Variants in BUB1B observed in about 807,000 individuals in gnomAD.
The protein encoded by BUB1B is mitotic checkpoint serine/threonine-protein kinase BUB1 beta.
BUB1B carries 86 observed loss-of-function variants against 137.7 expected under a neutral mutation model. That is an observed-to-expected ratio of 0.62 (90% CI 0.52 to 0.75). The LOEUF (loss-of-function observed/expected upper bound fraction) is 0.75, where lower values mean the gene tolerates loss of function less well. Ranked by LOEUF, BUB1B falls within the 30% of genes least tolerant of loss-of-function variation. The pLI, the probability that BUB1B is intolerant of heterozygous loss-of-function variation, is 0.00. For missense variants in BUB1B, 1,130 were observed against 1,236.9 expected, an observed-to-expected ratio of 0.91 and a Z score of 1.30; for synonymous variants, 420 against 417.9, an observed-to-expected ratio of 1.00 and a Z score of -0.06.
intron 6 of BUB1B, among the ~76,000 whole-genome samples, 159 bp from the exon 7 acceptor site, chr15:40,185,005 AT>A (rs1209413876): frequency 3.3e-5 from 5 of 151,694 alleles, no homozygotes; most frequent in Admixed American, 6.6e-5. Flanking sequence ...TCTATTTTTG[AT>A]TTATTAATTT....
chr15:40,167,425 C>G (rs530604219), intron 2 of BUB1B, among the ~76,000 whole-genome samples: 1 of 147,960 alleles, frequency 6.8e-6, no homozygotes, highest in African/African-American at 2.6e-5. Flanking sequence ...TCACTGCAAC[C>G]TCCGCCTCCC....
At chr15:40,179,049 C>G (rs1029784097) in intron 5 of BUB1B, among the ~76,000 whole-genome samples, 5 of 152,088 alleles carry the variant, frequency 3.3e-5, no homozygotes, top group African/African-American at 1.2e-4. Context: ...CACTACTCTG[C>G]TTTTTGTCTC....
chr15:40,201,097 T>A, intron 12 of BUB1B, 117 bp downstream of exon 12: 1 of 923,768 alleles, frequency 1.1e-6, no homozygotes, highest in Non-Finnish European at 1.7e-6. Flanking sequence ...ACTAGGATAC[T>A]AGGAATTTAG....
chr15:40,174,847 C>T (rs1300867968), intron 4 of BUB1B, among the ~76,000 whole-genome samples: 1 of 152,146 alleles, frequency 6.6e-6, no homozygotes, highest in Admixed American at 6.5e-5. Context: ...GCCTATAGTC[C>T]CAGCTACTCG....
At chr15:40,195,654 G>T (rs555379744) in intron 8 of BUB1B, among the ~76,000 whole-genome samples, 3 of 152,162 alleles carry the variant, frequency 2.0e-5, no homozygotes, top group East Asian at 1.9e-4. Context: ...ATTATTTTTT[G>T]ATTTCTTTAT....
chr15:40,210,145 A>G lies in BUB1B; in HGVS notation c.2320A>G (p.Ile774Val), dbSNP rs1463854628. The change falls in exon 18 of 23, where the codon ATA (isoleucine) becomes GTA (valine). Residue 774 changes from isoleucine to valine, a missense_variant. Coordinates refer to ENST00000287598, the MANE Select transcript of BUB1B (RefSeq NM_001211.6). ...TTACTGCATTAAACGAGAATACCTA[A>G]TATGTGAAGATTACAAGTTATTCTG... ...EDYCIKREYL[I>V]CEDYKLFWVA... 4 of 1,612,620 alleles carry G rather than the reference A, an allele frequency of 2.5e-6. No homozygotes were observed. Among genetic ancestry groups the G allele is most frequent in the South Asian group, 1.1e-5 (1 of 91,064 alleles).
chr15:40,162,765 G>T (rs746925301), intron 1 of BUB1B, among the ~76,000 whole-genome samples: 25 of 152,084 alleles, frequency 1.6e-4, no homozygotes, highest in Admixed American at 7.2e-4. Flanking sequence ...CTCAATTTGG[G>T]ATATTTAACT....
intron 8 of BUB1B, among the ~76,000 whole-genome samples, chr15:40,187,781 C>T (rs2037386000): frequency 6.6e-6 from 1 of 151,668 alleles, no homozygotes; most frequent in Non-Finnish European, 1.5e-5. Flanking sequence ...CAGTGGCTTG[C>T]ACCTGTGGTC....
At chr15:40,216,012 C>CA (rs943037725) in intron 20 of BUB1B, among the ~76,000 whole-genome samples, 1 of 151,972 alleles carries the variant, frequency 6.6e-6, no homozygotes, top group Non-Finnish European at 1.5e-5. Flanking sequence ...AAATGAGATC[C>CA]AAAAAAATGG....
intron 8 of BUB1B, among the ~76,000 whole-genome samples, chr15:40,191,707 C>T (rs755104621): frequency 1.3e-5 from 2 of 152,194 alleles, no homozygotes; most frequent in Non-Finnish European, 2.9e-5. Flanking sequence ...CCAGTGGTCC[C>T]AGCACCACTT....
rs1355011165 is a variant in BUB1B at position 40,183,730 on chromosome 15, G to A, written c.598G>A (p.Val200Met). The A allele has an allele frequency of 6.2e-7, 1 of 1,614,086 alleles. No homozygotes were observed. The highest frequency in any genetic ancestry group is 1.3e-5 in the African/African-American group (1 of 75,046). ...CTACTTTAGACAATTCCAAGCTCGA[G>A]TGTCTCGGCAAACTCTGTTGGCACT... ...QSQHRQFQAR[V>M]SRQTLLALEK... The change falls in exon 6 of 23, where the codon GTG becomes ATG. Residue 200 changes from valine to methionine, a missense_variant. Transcript: ENST00000287598.
chr15:40,213,452 A>G lies in BUB1B; in HGVS notation c.2656A>G (p.Arg886Gly), dbSNP rs1342870693. ...AEIVHGDLSP[R>G]CLILRNRIHD... ...AATAGTCCATGGTGACTTGAGTCCA[A>G]GGTGTCTGATTCTCAGAAACAGGTT... Residue 886 changes from arginine to glycine, a missense_variant, in exon 20 of 23, where the codon AGG (arginine) becomes GGG (glycine). By Grantham distance (125) the Arg-to-Gly change is moderately radical. Transcript: ENST00000287598. 4 of 1,614,208 alleles carry G rather than the reference A, an allele frequency of 2.5e-6. No individual in the cohort carries two copies. The highest frequency in any genetic ancestry group is 2.2e-5 in the South Asian group (2 of 91,086).
At position 40,161,214 on chromosome 15, in the gene BUB1B, A is replaced by AT; in HGVS notation, c.-6dup. On this transcript the variant is annotated 5_prime_UTR_variant, in exon 1 of 23. It removes an upstream start codon present in the reference 5' UTR. Transcript: ENST00000287598. Reference sequence around the variant, plus strand: ...AGCAGGACGAGGACCTGAGCCAGGAATGCAGGATGGCGGCGGTGAAGAAGG... The same window carrying AT: ...AGCAGGACGAGGACCTGAGCCAGGAATTGCAGGATGGCGGCGGTGAAGAAGG... The AT allele has an allele frequency of 1.2e-6, 2 of 1,613,538 alleles. No individual in the cohort carries two copies. Among genetic ancestry groups the AT allele is most frequent in the Middle Eastern group, 1.7e-4 (1 of 6,056 alleles).
Position 40,189,034 on chromosome 15 carries a change from C to T in BUB1B, c.1058+3392C>T, listed in dbSNP as rs989237003. Among the ~76,000 whole-genome samples, 3 of 152,112 alleles carry T rather than the reference C, an allele frequency of 2.0e-5. No homozygotes were observed. In the South Asian group the frequency reaches 6.2e-4, roughly 32 times the overall value. On this transcript the variant is annotated intron_variant, in intron 8 of 22. Coordinates refer to ENST00000287598, the MANE Select transcript of BUB1B (RefSeq NM_001211.6). ...GAACCTTGTACCCATACCTGTAAGA[C>T]TCGATTCCCCACCATTACCCCAATC...
chr15:40,209,788 G>GA lies in BUB1B; in HGVS notation c.2284+15dup, dbSNP rs1566827578. Reference sequence around the variant, plus strand: ...GAAATTGAATTAGGTAAGTACCATTGAACTCATGTCCTCTGGTTCATGACA... The same window carrying GA: ...GAAATTGAATTAGGTAAGTACCATTGAAACTCATGTCCTCTGGTTCATGACA... On this transcript the variant is annotated intron_variant, in intron 17 of 22. Transcript: ENST00000287598. 1 of 1,613,894 alleles carries GA rather than the reference G, an allele frequency of 6.2e-7. No homozygotes were observed. The highest frequency in any genetic ancestry group is 1.1e-5 in the South Asian group (1 of 91,022).
In BUB1B at chr15:40,202,629, C is replaced by A. The variant is rs2037587829; in HGVS notation, c.1669C>A (p.Pro557Thr). ...DPPRVLAQRR[P>T]LAVLKTSESI... Reference sequence around the variant, plus strand: ...CCCACGAGTTTTAGCTCAACGAAGACCCCTTGCAGTTCTCAAAACCTCAGA... The same window carrying A: ...CCCACGAGTTTTAGCTCAACGAAGAACCCTTGCAGTTCTCAAAACCTCAGA... The change falls in exon 14 of 23, where the codon CCC becomes ACC. Residue 557 changes from proline to threonine, a missense_variant. By Grantham distance (38) the Pro-to-Thr change is conservative. Coordinates refer to ENST00000287598, the MANE Select transcript of BUB1B (RefSeq NM_001211.6). 6.2e-7 allele frequency: 1 copy of A among 1,613,940 alleles called. No homozygotes were observed. The highest frequency in any genetic ancestry group is 1.3e-5 in the African/African-American group (1 of 74,880).
intron 5 of BUB1B, among the ~76,000 whole-genome samples, chr15:40,182,065 A>G (rs1049216106): frequency 7.2e-5 from 11 of 152,168 alleles, no homozygotes; most frequent in African/African-American, 2.7e-4. Flanking sequence ...TTAGCTGTGC[A>G]TGGTTGTGGG....
chr15:40,200,415 CT>C, intron 11 of BUB1B, 56 bp downstream of exon 11: 1 of 1,308,758 alleles, frequency 7.6e-7, no homozygotes, highest in Non-Finnish European at 1.1e-6. Flanking sequence ...TAGAACCAAC[CT>C]TTGACTCTCT....
Position 40,220,829 on chromosome 15 carries a change from T to C in BUB1B, c.*70T>C. 6.7e-7 allele frequency: 1 copy of C among 1,488,976 alleles called. No individual in the cohort carries two copies. Among genetic ancestry groups the C allele is most frequent in the Non-Finnish European group, 9.4e-7 (1 of 1,067,304 alleles). The allele number at this position is 1,488,976 out of a possible 1,614,324, so 92.2% of individuals were successfully genotyped here. A position where few individuals can be genotyped will look rare whatever the true frequency, so the allele number is the denominator to read the frequency against. ...TGTATTGTGGAACACTGAAACTGTA[T>C]GTGCTGTAATTTAATTTAGGACACA... On this transcript the variant is annotated 3_prime_UTR_variant, in exon 23 of 23. Transcript: ENST00000287598.
Sources: gnomAD v4.1 joint callset for allele counts (sites outside exome capture counted in the v4.1 genomes callset) on GRCh38, gnomAD v4.1.1 for gene constraint, MANE v1.5 for transcripts, NCBI Gene and HGNC (gene_info 2026-07-23, HGNC 2026-07-21) for gene names.